Variants in KCNH6 observed in about 807,000 individuals in gnomAD.
KCNH6 encodes potassium voltage-gated channel subfamily H member 6.
Under a neutral mutation model 83.4 loss-of-function variants are expected in KCNH6, and 81 were observed. The observed-to-expected ratio is 0.97, with a 90% CI of 0.81 to 1.17. The LOEUF is 1.17. KCNH6 is among the 50% of genes most tolerant of loss of function. The pLI, the probability that KCNH6 is intolerant of heterozygous loss-of-function variation, is 0.00. For synonymous variants in KCNH6, 503 were observed against 545.6 expected, an observed-to-expected ratio of 0.92 and a Z score of 1.09; for missense variants, 1,203 against 1,290.5, an observed-to-expected ratio of 0.93 and a Z score of 1.04.
intron 8 of KCNH6, among the ~76,000 whole-genome samples, chr17:63,539,277 C>T (rs961710605): frequency 6.6e-6 from 1 of 152,162 alleles, no homozygotes; most frequent in Non-Finnish European, 1.5e-5. Flanking sequence ...TCCTTTGGTA[C>T]CCATGACCTG....
chr17:63,542,103 T>A, intron 8 of KCNH6, 138 bp from the exon 9 acceptor site: 1 of 811,482 alleles, frequency 1.2e-6, no homozygotes, highest in Middle Eastern at 2.7e-4. Context: ...CATCCAGCCA[T>A]GTCCCCAGAG....
At chr17:63,530,572 G>GC in intron 4 of KCNH6, 30 bp downstream of exon 4, 1 of 1,604,918 alleles carries the variant, frequency 6.2e-7, no homozygotes, top group South Asian at 1.1e-5. Context: ...GGTGTGCAGA[G>GC]CTGTGCCAGG....
Position 63,524,192 on chromosome 17 carries a change from T to C in KCNH6, c.130T>C (p.Cys44Arg). 6.2e-7 allele frequency: 1 copy of C among 1,614,216 alleles called. No homozygotes were observed. Among genetic ancestry groups the C allele is most frequent in the Non-Finnish European group, 8.5e-7 (1 of 1,180,020 alleles). Reference sequence around the variant, plus strand: ...GATGGAGAACTGCGCCATCATTTACTGCAACGACGGCTTCTGCGAACTCTT... The same window carrying C: ...GATGGAGAACTGCGCCATCATTTACCGCAACGACGGCTTCTGCGAACTCTT... ...AQMENCAIIY[C>R]NDGFCELFGY... is the part of the protein sequence containing the mutation. The change falls in exon 2 of 13, where the codon TGC (cysteine) becomes CGC (arginine). Residue 44 changes from cysteine to arginine, a missense_variant. Transcript: ENST00000314672.
downstream of KCNH6, among the ~76,000 whole-genome samples, chr17:63,547,758 G>A (rs1434191304): frequency 6.6e-6 from 1 of 151,856 alleles, no homozygotes; most frequent in African/African-American, 2.4e-5. Context: ...AGACCAGCCT[G>A]GGCAGCATAG....
At chr17:63,530,566 T>C in intron 4 of KCNH6, 24 bp downstream of exon 4, 1 of 1,609,194 alleles carries the variant, frequency 6.2e-7, no homozygotes, top group Non-Finnish European at 8.5e-7. Flanking sequence ...GAGCAGGGTG[T>C]GCAGAGCTGT....
intron 1 of KCNH6, 37 bp from the exon 2 acceptor site, chr17:63,524,102 C>G: frequency 6.9e-7 from 1 of 1,447,516 alleles, no homozygotes; most frequent in Middle Eastern, 1.8e-4. Context: ...TGGATCCTGG[C>G]TCCCATGGAC....
At position 63,535,805 on chromosome 17, in the gene KCNH6, A is replaced by G. The variant is rs751337233; in HGVS notation, c.1238A>G (p.His413Arg). 1.2e-6 allele frequency: 2 copies of G among 1,614,232 alleles called. No individual in the cohort carries two copies. The highest frequency in any genetic ancestry group is 1.7e-6 in the Non-Finnish European group (2 of 1,180,052). Reference protein sequence around the residue: ...LLMCTFALIAHWLACIWYAIG... With the variant: ...LLMCTFALIARWLACIWYAIG... The stretch of plus-strand genomic sequence containing the variant: ...ATGTGCACCTTCGCGCTCATAGCGC[A>G]CTGGCTGGCCTGCATCTGGTACGCC... Residue 413 changes from histidine (H) to arginine (R), a missense_variant, in exon 6 of 13, where the codon CAC becomes CGC. His to Arg is a conservative substitution (Grantham distance 29). Transcript: ENST00000314672. This position sits in a 1 kb window ranked among gnomAD's most constrained non-coding sequence, Gnocchi z 4.9.
rs1300250939 is a variant in KCNH6, at chr17:63,535,572, G to A, written c.1102-97G>A. The A allele has an allele frequency of 3.5e-6, 4 of 1,149,890 alleles. No homozygotes were observed. Among genetic ancestry groups the A allele is most frequent in the Non-Finnish European group, 4.9e-6 (4 of 808,908 alleles). 71.2% of individuals were successfully genotyped at this position (1,149,890 alleles called of 1,614,324 possible). On this transcript the variant is annotated intron_variant, in intron 5 of 12. Coordinates refer to ENST00000314672, the MANE Select transcript of KCNH6 (RefSeq NM_001278919.2). The surrounding 1 kb of genome is among the most constrained non-coding windows in gnomAD (Gnocchi z 4.9). ...AGTTCTCCATAAATGTTTGTTGAAT[G>A]AGTATGTGGTTGTATGCATGAGTGA...
chr17:63,543,915 C>T (rs1449990768), intron 10 of KCNH6: 4 of 703,372 alleles, frequency 5.7e-6, no homozygotes, highest in Non-Finnish European at 9.6e-6. Flanking sequence ...TGGAGACTAG[C>T]CAGCCCCCTG....
At chr17:63,530,669 T>A in intron 4 of KCNH6, 127 bp downstream of exon 4, 1 of 823,276 alleles carries the variant, frequency 1.2e-6, no homozygotes, top group South Asian at 1.7e-5. Flanking sequence ...GCCTCTAATA[T>A]CTGGTTTGAG....
rs1274267549 is a variant in KCNH6 at position 63,533,298 on chromosome 17, G to A, written c.676-588G>A. ...GGAGTCAGTTTTCCTTGGTGCCCAG[G>A]ACCCGTTGAGGGTCCAGGTTGGCTA... On this transcript the variant is annotated intron_variant, in intron 4 of 12. Coordinates refer to ENST00000314672, the MANE Select transcript of KCNH6 (RefSeq NM_001278919.2). This position sits in a 1 kb window ranked among gnomAD's most constrained non-coding sequence, Gnocchi z 4.1. Among the ~76,000 whole-genome samples, 1 of 152,088 alleles carries A rather than the reference G, an allele frequency of 6.6e-6. No homozygotes were observed. The highest frequency in any genetic ancestry group is 1.5e-5 in the Non-Finnish European group (1 of 67,988).
chr17:63,528,602 T>G (rs531383789), intron 2 of KCNH6, among the ~76,000 whole-genome samples: 6 of 152,252 alleles, frequency 3.9e-5, no homozygotes, highest in Admixed American at 1.3e-4. Flanking sequence ...TGGGCTTCCA[T>G]ACATTCAGTC....
At position 63,530,116 on chromosome 17, in the gene KCNH6, T is replaced by C. The variant is rs749976281; in HGVS notation, c.333T>C (p.Asp111=). 3.3e-5 allele frequency: 54 copies of C among 1,613,640 alleles called. No individual in the cohort carries two copies. Among genetic ancestry groups the C allele is most frequent in the Non-Finnish European group, 4.6e-5 (54 of 1,180,046 alleles). Residue 111 remains aspartate, a synonymous_variant, in exon 3 of 13, where the codon GAT becomes GAC. Transcript: ENST00000314672. Reference sequence around the variant, plus strand: ...CCTCCAGCTTCCGCTGCCTGGTAGATGTGGTGCCCGTGAAGAACGAGGACG... The same window carrying C: ...CCTCCAGCTTCCGCTGCCTGGTAGACGTGGTGCCCGTGAAGAACGAGGACG... ...KDASSFRCLV[D]VVPVKNEDGA...
Position 63,524,292 on chromosome 17 carries a change from G to T in KCNH6, c.230G>T (p.Ser77Ile). The T allele has an allele frequency of 6.2e-7, 1 of 1,614,034 alleles. No individual in the cohort carries two copies. Among genetic ancestry groups the T allele is most frequent in the South Asian group, 1.1e-5 (1 of 91,090 alleles). ...CTCACAGGCCCCAACACACCAAGCA[G>T]CGCCGTGTCCCGCCTAGCGCAGGCC... ...DFLTGPNTPS[S>I]AVSRLAQALL... is the part of the protein sequence containing the mutation. Residue 77 changes from serine to isoleucine, a missense_variant, in exon 2 of 13, where the codon AGC (serine) becomes ATC (isoleucine). Transcript: ENST00000314672.
At chr17:63,543,952 G>A in intron 10 of KCNH6, 1 of 932,222 alleles carries the variant, frequency 1.1e-6, no homozygotes, top group South Asian at 1.7e-5. Context: ...CATCAGGGGG[G>A]CCACTGGGCT....
Position 63,533,918 on chromosome 17 carries a change from G to T in KCNH6, c.708G>T (p.Glu236Asp). The change falls in exon 5 of 13, where the codon GAG becomes GAT. Residue 236 changes from glutamate (E) to aspartate (D), a missense_variant. Transcript: ENST00000314672. The surrounding 1 kb of genome is among the most constrained non-coding windows in gnomAD (Gnocchi z 4.1). ...CCCTGGGCGCGGATGTGCTGCCGGA[G>T]TACAAGCTGCAGGCGCCGCGCATCC... ...VLSLGADVLP[E>D]YKLQAPRIHR... 5 of 1,613,878 alleles carry T rather than the reference G, an allele frequency of 3.1e-6. No homozygotes were observed. Among genetic ancestry groups the T allele is most frequent in the Non-Finnish European group, 4.2e-6 (5 of 1,179,868 alleles).
intron 10 of KCNH6, 138 bp from the exon 11 acceptor site, chr17:63,544,111 G>A (rs1040715870): frequency 3.1e-6 from 5 of 1,608,650 alleles, no homozygotes; most frequent in Non-Finnish European, 4.2e-6. Flanking sequence ...TGTGCTCCAG[G>A]GCACCCAGGT....
intron 2 of KCNH6, 86 bp downstream of exon 2, chr17:63,524,455 A>T: frequency 8.6e-7 from 1 of 1,160,942 alleles, no homozygotes; most frequent in East Asian, 2.5e-5. Context: ...GAAGGCACTG[A>T]CCCAGGGTCC....
Position 63,544,327 on chromosome 17 carries a change from GC to G in KCNH6, c.2317del (p.Gln773LysfsTer12), listed in dbSNP as rs765893997. The G allele has an allele frequency of 2.5e-6, 4 of 1,612,212 alleles. No individual in the cohort carries two copies. The highest frequency in any genetic ancestry group is 3.4e-6 in the Non-Finnish European group (4 of 1,179,232). On this transcript the variant is annotated frameshift_variant, in exon 11 of 13. Transcript: ENST00000314672. LOFTEE classifies it high-confidence loss of function. Reference protein sequence around the residue: ...ELLQEMPPRHSPQSPQEDPDC... With the variant: ...ELLQEMPPRHXPQSPQEDPDC... Reference sequence around the variant, plus strand: ...CTGCAGGAAATGCCCCCAAGGCACAGCCCCCAAAGCCCTCAGGAAGACCCAG... The same window carrying G: ...CTGCAGGAAATGCCCCCAAGGCACAGCCCCAAAGCCCTCAGGAAGACCCAG...
Sources: gnomAD v4.1 joint callset for allele counts (sites outside exome capture counted in the v4.1 genomes callset) on GRCh38, gnomAD v4.1.1 for gene constraint, Gnocchi (gnomAD v3.1) non-coding constraint, MANE v1.5 for transcripts, NCBI Gene and HGNC (gene_info 2026-07-23, HGNC 2026-07-21) for gene names.